The following KCTD16 variants were observed in gnomAD, a reference collection of about 807,000 sequenced individuals.
KCTD16 encodes the protein potassium channel tetramerization domain containing 16.
KCTD16 carries 13 observed loss-of-function variants against 33.2 expected under a neutral mutation model. The observed-to-expected ratio is 0.39, with a 90% confidence interval of 0.25 to 0.62. The LOEUF (loss-of-function observed/expected upper bound fraction) is 0.62, where lower values mean the gene tolerates loss of function less well. Ranked by LOEUF, KCTD16 falls within the 20% of genes least tolerant of loss-of-function variation. KCTD16 has a pLI of 0.50. For synonymous variants in KCTD16, 197 were observed against 195.3 expected (o/e 1.01, Z -0.07); for missense variants, 441 against 525.1 (o/e 0.84, Z 1.57).
intron 3 of KCTD16, among the ~76,000 whole-genome samples, chr5:144,212,611 C>T (rs982685725): frequency 3.7e-4 from 56 of 152,150 alleles, no homozygotes; most frequent in African/African-American, 1.3e-3. Flanking sequence ...AAACACAAAA[C>T]ACGGAAAGGA....
At chr5:144,267,797 TTTC>T (rs1404783532) in intron 3 of KCTD16, among the ~76,000 whole-genome samples, 1 of 152,178 alleles carries the variant, frequency 6.6e-6, no homozygotes, top group Non-Finnish European at 1.5e-5. Context: ...AATTTTCACT[TTTC>T]TGCTTGTTTA....
intron 3 of KCTD16, among the ~76,000 whole-genome samples, chr5:144,308,175 A>T (rs928539379): frequency 6.6e-6 from 1 of 152,142 alleles, no homozygotes; most frequent in African/African-American, 2.4e-5. Flanking sequence ...CTGAAATTTT[A>T]ATTGCCTTTA....
intron 3 of KCTD16, among the ~76,000 whole-genome samples, chr5:144,211,268 A>T (rs1478745191): frequency 6.6e-6 from 1 of 152,180 alleles, no homozygotes; most frequent in Non-Finnish European, 1.5e-5. Flanking sequence ...AACAAGCTTC[A>T]ATAAGAGCAT....
chr5:144,411,421 C>T (rs188767224), intron 3 of KCTD16, among the ~76,000 whole-genome samples: 10 of 152,226 alleles, frequency 6.6e-5, no homozygotes, highest in Admixed American at 2.6e-4. Flanking sequence ...GTGTCAAGAA[C>T]ATATGATAGA....
At chr5:144,373,699 T>C (rs1752020084) in intron 3 of KCTD16, among the ~76,000 whole-genome samples, 1 of 152,246 alleles carries the variant, frequency 6.6e-6, no homozygotes, top group Non-Finnish European at 1.5e-5. Context: ...AGAAATCTTG[T>C]ATAAATATCA....
chr5:144,206,665 C>A lies in KCTD16; in HGVS notation c.-50C>A. ...GATCCAAAGGATAAGGCTGTGACTC[C>A]ATTGGATTGCACCTTTAAATCAAAA... On this transcript the variant is annotated 5_prime_UTR_variant, in exon 3 of 4. Coordinates refer to ENST00000512467, the MANE Select transcript of KCTD16 (RefSeq NM_020768.4). 1 of 1,469,092 alleles carries A rather than the reference C, an allele frequency of 6.8e-7. No homozygotes were observed. Among genetic ancestry groups the A allele is most frequent in the South Asian group, 1.2e-5 (1 of 80,198 alleles). The allele number at this position is 1,469,092 out of a possible 1,614,324, so 91.0% of individuals were successfully genotyped here.
chr5:144,208,506 C>T (rs370160013), intron 3 of KCTD16, among the ~76,000 whole-genome samples: 1 of 152,228 alleles, frequency 6.6e-6, no homozygotes, highest in Non-Finnish European at 1.5e-5. Context: ...CGATTTTCAA[C>T]AGGCCCAGGA....
At chr5:144,350,277 T>C (rs1019753149) in intron 3 of KCTD16, among the ~76,000 whole-genome samples, 1 of 152,142 alleles carries the variant, frequency 6.6e-6, no homozygotes, top group African/African-American at 2.4e-5. Flanking sequence ...AAAAAATTAA[T>C]TACTTTCCAG....
chr5:144,275,007 A>C (rs1033185681), intron 3 of KCTD16, among the ~76,000 whole-genome samples: 1 of 152,256 alleles, frequency 6.6e-6, no homozygotes, highest in Non-Finnish European at 1.5e-5. Context: ...CACACTAAAA[A>C]AGATATTTTG....
intron 3 of KCTD16, among the ~76,000 whole-genome samples, chr5:144,243,452 A>G (rs1288739144): frequency 6.6e-6 from 1 of 152,128 alleles, no homozygotes; most frequent in Non-Finnish European, 1.5e-5. Flanking sequence ...ATGCCTGATG[A>G]CCTTATTATT....
chr5:144,374,020 C>T (rs1752031522), intron 3 of KCTD16, among the ~76,000 whole-genome samples: 1 of 152,176 alleles, frequency 6.6e-6, no homozygotes, highest in East Asian at 1.9e-4. Context: ...GAACCTCTTG[C>T]CTCTATGTAC....
chr5:144,419,326 CCTTTTAGCCTA>C (rs1279515477), intron 3 of KCTD16, among the ~76,000 whole-genome samples: 1 of 152,098 alleles, frequency 6.6e-6, no homozygotes, highest in Non-Finnish European at 1.5e-5. Flanking sequence ...TTTAAAATCA[CCTTTTAGCCTA>C]CTTTACTTGC....
At chr5:144,182,669 C>A (rs986697466) in intron 2 of KCTD16, among the ~76,000 whole-genome samples, 2 of 151,920 alleles carry the variant, frequency 1.3e-5, no homozygotes, top group Non-Finnish European at 2.9e-5. Flanking sequence ...TGCTTGAGCC[C>A]GGGAGATTGA....
chr5:144,346,200 T>C (rs1752797050), intron 3 of KCTD16, among the ~76,000 whole-genome samples: 1 of 152,218 alleles, frequency 6.6e-6, no homozygotes, highest in South Asian at 2.1e-4. Context: ...CTTCTTTTTA[T>C]GGTTGAATAG....
At chr5:144,340,993 C>T (rs904638693) in intron 3 of KCTD16, among the ~76,000 whole-genome samples, 2 of 151,862 alleles carry the variant, frequency 1.3e-5, no homozygotes, top group Admixed American at 6.6e-5. Flanking sequence ...TGCAGTGAGC[C>T]GAGATTGTGG....
intron 3 of KCTD16, among the ~76,000 whole-genome samples, chr5:144,299,649 CTTA>C (rs1049309678): frequency 1.1e-4 from 16 of 151,806 alleles, no homozygotes; most frequent in Non-Finnish European, 1.8e-4. Flanking sequence ...GGACAGTGGC[CTTA>C]TTATTACTTT....
At chr5:144,390,701 G>A (rs769115740) in intron 3 of KCTD16, among the ~76,000 whole-genome samples, 1 of 151,574 alleles carries the variant, frequency 6.6e-6, no homozygotes, top group Non-Finnish European at 1.5e-5. Context: ...GACGGGCCCC[G>A]GTGTGTGATG....
At chr5:144,266,787 T>C (rs1221098477) in intron 3 of KCTD16, among the ~76,000 whole-genome samples, 4 of 152,120 alleles carry the variant, frequency 2.6e-5, no homozygotes, top group African/African-American at 7.2e-5. Flanking sequence ...TTTCTATTTT[T>C]TTTTTATAGC....
Position 144,420,685 on chromosome 5 carries a change from T to C in KCTD16, c.833-52975T>C, listed in dbSNP as rs186290861. On this transcript the variant is annotated intron_variant, in intron 3 of 3. Coordinates refer to ENST00000512467, the MANE Select transcript of KCTD16 (RefSeq NM_020768.4). Reference sequence around the variant, plus strand: ...ATTTTGGGTAGGGTCTAATGCATCATGTATAGGTGCATATATGTGGCTCAA... The same window carrying C: ...ATTTTGGGTAGGGTCTAATGCATCACGTATAGGTGCATATATGTGGCTCAA... Among the ~76,000 whole-genome samples the C allele has an allele frequency of 1.7e-3, 261 of 152,194 alleles. 2 individuals are homozygous for C. Among genetic ancestry groups the C allele is most frequent in the African/African-American group, 6.1e-3 (254 of 41,538 alleles).
Sources: allele counts gnomAD v4.1 joint callset (sites outside exome capture counted in the v4.1 genomes callset), GRCh38; gene constraint gnomAD v4.1.1; transcripts MANE v1.5; gene names NCBI Gene and HGNC (gene_info 2026-07-23, HGNC 2026-07-21).